The following TSC2 variants were observed in gnomAD, a reference collection of about 807,000 sequenced individuals.
The protein encoded by TSC2 is TSC complex subunit 2, also known as tuberin.
Under a neutral mutation model 202.2 loss-of-function variants are expected in TSC2, and 29 were observed. The observed-to-expected ratio is 0.14, with a 90% CI of 0.11 to 0.20. The LOEUF (loss-of-function observed/expected upper bound fraction) is 0.20. Among genes scored for constraint, TSC2 ranks in the 10% least tolerant of loss-of-function variants. The pLI is 1.00. For missense variants in TSC2, 2,429 were observed against 2,420.0 expected (o/e 1.00, Z -0.08); for synonymous variants, 1,349 against 1,044.0 (o/e 1.29, Z -5.63).
intron 11 of TSC2, chr16:2,061,485 A>G (rs2086630465): frequency 5.5e-6 from 2 of 362,568 alleles, no homozygotes; most frequent in South Asian, 4.5e-5. Context: ...GAGAGGCAAG[A>G]AAGGCTTGTA....
intron 12 of TSC2, among the ~76,000 whole-genome samples, chr16:2,062,245 C>G (rs973199048): frequency 6.6e-6 from 1 of 152,244 alleles, no homozygotes; most frequent in African/African-American, 2.4e-5. Flanking sequence ...CCATCCGGCT[C>G]TGTAGAGTCC....
At chr16:2,061,181 A>G in intron 11 of TSC2, 1 of 362,314 alleles carries the variant, frequency 2.8e-6, no homozygotes, top group Non-Finnish European at 5.4e-6. Context: ...GCATTAGTCG[A>G]GTCTGTTAAC....
chr16:2,074,066 C>G, intron 21 of TSC2, 134 bp from the exon 22 acceptor site: 1 of 1,159,860 alleles, frequency 8.6e-7, no homozygotes, highest in East Asian at 2.5e-5. Context: ...GCACTGCTGG[C>G]TCTGCCCCAC....
At chr16:2,064,670 C>T (rs1319427126) in intron 15 of TSC2, 1 of 614,254 alleles carries the variant, frequency 1.6e-6, no homozygotes, top group Admixed American at 2.9e-5. Flanking sequence ...TGGGCTGGGC[C>T]TCCTGGACCG....
chr16:2,060,012 G>C (rs2086433389), intron 10 of TSC2, among the ~76,000 whole-genome samples: 1 of 152,160 alleles, frequency 6.6e-6, no homozygotes, highest in South Asian at 2.1e-4. Context: ...TCACCTTCTG[G>C]AGTTGGCAGT....
chr16:2,076,313 C>G lies in TSC2; in HGVS notation c.2742+143C>G, dbSNP rs544028555. The G allele has an allele frequency of 3.8e-6, 6 of 1,559,826 alleles. No individual in the cohort carries two copies. In the African/African-American group the frequency reaches 8.1e-5, roughly 21 times the overall value. On this transcript the variant is annotated intron_variant, in intron 24 of 41. Transcript: ENST00000219476. ...GGCTGTGCCTGTGGCGCTGGGGGCT[C>G]TGCTGGGCAGCCTGCAGGGCTTTGA... is the stretch of plus-strand genomic sequence containing the variant.
Position 2,063,258 on chromosome 16 carries a change from G to A in TSC2, c.1443+205G>A, listed in dbSNP as rs751881223. 3.5e-4 allele frequency: 230 copies of A among 661,192 alleles called. 3 individuals are homozygous for A. The highest frequency in any genetic ancestry group is 1.2e-3 in the South Asian group (68 of 57,208). 41.0% of individuals were successfully genotyped at this position (661,192 alleles called of 1,614,324 possible). On this transcript the variant is annotated intron_variant, in intron 14 of 41. Transcript: ENST00000219476. ...GGGTGCCTCTGCCAGGCCTTGACAC[G>A]TGGCCAAGTAGCAAGGAAGGCACAG...
chr16:2,058,889 T>C lies in TSC2; in HGVS notation c.975+16T>C, dbSNP rs769084318. Reference sequence around the variant, plus strand: ...ATTTTACCAGGTAAGGCGGTTTCTGTGTGCAGTGAGCTGGCAGGAACGGGA... The same window carrying C: ...ATTTTACCAGGTAAGGCGGTTTCTGCGTGCAGTGAGCTGGCAGGAACGGGA... On this transcript the variant is annotated intron_variant, in intron 10 of 41. Transcript: ENST00000219476. 2.1e-5 allele frequency: 33 copies of C among 1,604,720 alleles called. No homozygotes were observed. The highest frequency in any genetic ancestry group is 2.7e-5 in the Non-Finnish European group (32 of 1,176,078).
intron 22 of TSC2, 61 bp from the exon 23 acceptor site, chr16:2,075,733 CGTGTT>C (rs2089237092): frequency 6.5e-7 from 1 of 1,542,102 alleles, no homozygotes; most frequent in South Asian, 1.1e-5. Flanking sequence ...GCAGAGCAGC[CGTGTT>C]GGCCTTCAGA....
At chr16:2,085,056 C>G (rs1489094068) in intron 35 of TSC2, 30 bp downstream of exon 35, 7 of 1,612,664 alleles carry the variant, frequency 4.3e-6, no homozygotes, top group Non-Finnish European at 5.9e-6. Context: ...CCTGCATCCG[C>G]TGGAGCTGTG....
At chr16:2,082,127 C>G (rs1284038809) in intron 31 of TSC2, 2 of 589,004 alleles carry the variant, frequency 3.4e-6, no homozygotes, top group East Asian at 5.7e-5. Flanking sequence ...GTTTGGACAC[C>G]TGAGCCCGCC....
chr16:2,086,233 C>G lies in TSC2; in HGVS notation c.4703C>G (p.Ser1568Cys), dbSNP rs1555516036. 17 of 1,612,776 alleles carry G rather than the reference C, an allele frequency of 1.1e-5. No individual in the cohort carries two copies. Among genetic ancestry groups the G allele is most frequent in the African/African-American group, 1.3e-5 (1 of 75,036 alleles). The stretch of plus-strand genomic sequence containing the variant: ...GCCATCCTGTCCAATGAGCATGGCT[C>G]CTACAGGTACACGGAGTTCCTGACG... ...ELAILSNEHG[S>C]YRYTEFLTGL... is the part of the protein sequence containing the mutation. Residue 1568 changes from serine (S) to cysteine (C), a missense_variant, in exon 37 of 42, where the codon TCC becomes TGC. Ser to Cys is a moderately radical substitution (Grantham distance 112, BLOSUM62 -1). Coordinates refer to ENST00000219476, the MANE Select transcript of TSC2 (RefSeq NM_000548.5).
At chr16:2,083,924 G>A (rs2151516011) in intron 33 of TSC2, 108 bp downstream of exon 33, 5 of 1,475,088 alleles carry the variant, frequency 3.4e-6, no homozygotes, top group Non-Finnish European at 4.5e-6. Context: ...CTGAACTTGG[G>A]GGAGATGTTC....
At chr16:2,059,894 C>A (rs936765941) in intron 10 of TSC2, among the ~76,000 whole-genome samples, 1 of 152,166 alleles carries the variant, frequency 6.6e-6, no homozygotes, top group Admixed American at 6.5e-5. Flanking sequence ...CTCCTGACCT[C>A]AGGTGATCCA....
At chr16:2,081,274 G>A in intron 30 of TSC2, 1 of 420,254 alleles carries the variant, frequency 2.4e-6, no homozygotes. Context: ...GAGCCCAGGG[G>A]CGCCTGGGTG....
rs781524288 is a variant in TSC2, at chr16:2,064,257, C to T, written c.1444-15C>T. 3 of 1,613,838 alleles carry T rather than the reference C, an allele frequency of 1.9e-6. No homozygotes were observed. Among genetic ancestry groups the T allele is most frequent in the Non-Finnish European group, 2.5e-6 (3 of 1,180,006 alleles). ...GTTGGGCTGGCGCTCATTGGCCTCC[C>T]TTGTGCCTGTGCAGGAGGAGCTGAT... is the stretch of plus-strand genomic sequence containing the variant. On this transcript the variant is annotated splice_polypyrimidine_tract_variant and intron_variant, in intron 14 of 41. Transcript: ENST00000219476.
intron 22 of TSC2, 102 bp from the exon 23 acceptor site, chr16:2,075,697 T>C: frequency 1.5e-6 from 2 of 1,298,398 alleles, no homozygotes; most frequent in Non-Finnish European, 2.2e-6. Context: ...CCTTCTCTCC[T>C]CTGCAGCACC....
Position 2,088,607 on chromosome 16 carries a change from G to T in TSC2, c.5421G>T (p.Val1807=). ...CGGTGGAGGACTTCACCGAGTTTGT[G>T]TGAGGCCGGGGCCCTCCCTCCTGCA... The part of the protein sequence containing the change: ...ISSVEDFTEF[V] Residue 1807 remains valine (V), a synonymous_variant, in exon 42 of 42, where the codon GTG becomes GTT. Coordinates refer to ENST00000219476, the MANE Select transcript of TSC2 (RefSeq NM_000548.5). 1 of 1,602,504 alleles carries T rather than the reference G, an allele frequency of 6.2e-7. No homozygotes were observed. The highest frequency in any genetic ancestry group is 8.5e-7 in the Non-Finnish European group (1 of 1,179,516).
chr16:2,063,284 T>C, intron 14 of TSC2: 1 of 617,290 alleles, frequency 1.6e-6, no homozygotes, highest in Non-Finnish European at 2.9e-6. Flanking sequence ...GAAGGCACAG[T>C]GCCTGCCCTC....
Sources: gnomAD v4.1 joint callset for allele counts (sites outside exome capture counted in the v4.1 genomes callset) on GRCh38, gnomAD v4.1.1 for gene constraint, MANE v1.5 for transcripts, NCBI Gene and HGNC (gene_info 2026-07-23, HGNC 2026-07-21) for gene names.